The following FLI1 variants were observed in gnomAD, a reference collection of about 807,000 sequenced individuals.
The protein encoded by FLI1 is Friend leukemia integration 1 transcription factor.
Under a neutral mutation model 53.1 loss-of-function variants are expected in FLI1, and 13 were observed. The ratio of observed to expected loss-of-function variants is 0.24; its 90% CI spans 0.16 to 0.39. FLI1 has a LOEUF of 0.39. FLI1 is among the 10% of genes least tolerant of loss of function. The pLI is 1.00. For missense variants in FLI1, 424 were observed against 600.5 expected, an observed-to-expected ratio of 0.71 and a Z score of 3.07; for synonymous variants, 244 against 236.7, an observed-to-expected ratio of 1.03 and a Z score of -0.28.
upstream of FLI1, chr11:128,693,159 T>C (rs973905904): frequency 2.0e-5 from 3 of 152,436 alleles, no homozygotes; most frequent in African/African-American, 4.8e-5. Flanking sequence ...CGCTGGGGGT[T>C]TGGCTCGAGA....
chr11:128,719,142 GT>G (rs925194692), intron 1 of FLI1, among the ~76,000 whole-genome samples: 10 of 152,126 alleles, frequency 6.6e-5, no homozygotes, highest in Non-Finnish European at 1.5e-4. Flanking sequence ...CTGGATTGCA[GT>G]ATGGGAGAGG....
intron 1 of FLI1, among the ~76,000 whole-genome samples, chr11:128,739,729 C>CG (rs1940056629): frequency 6.6e-6 from 1 of 150,546 alleles, no homozygotes; most frequent in Non-Finnish European, 1.5e-5. Flanking sequence ...TATTTTACTT[C>CG]GAAAAAAAAA....
chr11:128,735,666 C>T (rs1055058001), intron 1 of FLI1, among the ~76,000 whole-genome samples: 4 of 152,130 alleles, frequency 2.6e-5, no homozygotes, highest in African/African-American at 9.7e-5. Flanking sequence ...GCTGTGTGAC[C>T]CATGATGGCC....
At chr11:128,749,734 G>T (rs74406231) in intron 1 of FLI1, among the ~76,000 whole-genome samples, 251 of 152,338 alleles carry the variant, frequency 1.6e-3, no homozygotes, top group African/African-American at 5.8e-3. Context: ...AATGCTTGAT[G>T]ACTGACTAAT....
chr11:128,742,444 CAG>C (rs1940179467), intron 1 of FLI1, among the ~76,000 whole-genome samples: 1 of 152,172 alleles, frequency 6.6e-6, no homozygotes. Flanking sequence ...AAGAAATATC[CAG>C]AGTGACCTTT....
At chr11:128,699,315 C>CA (rs1451184593) in intron 1 of FLI1, among the ~76,000 whole-genome samples, 18 of 151,756 alleles carry the variant, frequency 1.2e-4, no homozygotes. Flanking sequence ...TACCCCCAGC[C>CA]AAAAAAATAG....
At chr11:128,796,482 C>A (rs566719560) in intron 5 of FLI1, among the ~76,000 whole-genome samples, 2 of 152,314 alleles carry the variant, frequency 1.3e-5, no homozygotes, top group East Asian at 3.9e-4. Flanking sequence ...TGCTAATTTG[C>A]ATGTCTGGTT....
At chr11:128,761,335 C>T (rs570029627) in intron 2 of FLI1, among the ~76,000 whole-genome samples, 267 of 152,330 alleles carry the variant, frequency 1.8e-3, no homozygotes, top group African/African-American at 5.4e-3. Flanking sequence ...TCGAAACCAG[C>T]GCCTCCTCAC....
At chr11:128,737,638 C>A (rs1396393973) in intron 1 of FLI1, among the ~76,000 whole-genome samples, 4 of 152,168 alleles carry the variant, frequency 2.6e-5, no homozygotes, top group Non-Finnish European at 4.4e-5. Flanking sequence ...AGCCCTCTTG[C>A]CTCAGGGTAC....
intron 2 of FLI1, among the ~76,000 whole-genome samples, chr11:128,767,355 C>T (rs1206995255): frequency 3.9e-5 from 6 of 152,168 alleles, no homozygotes; most frequent in Non-Finnish European, 5.9e-5. Flanking sequence ...AAGTAGCAAC[C>T]AGCTCTTTTG....
At chr11:128,717,097 C>T (rs910271445) in intron 1 of FLI1, among the ~76,000 whole-genome samples, 1 of 152,042 alleles carries the variant, frequency 6.6e-6, no homozygotes, top group Non-Finnish European at 1.5e-5. Context: ...GCTTGGCTTC[C>T]GGGGCACACG....
chr11:128,751,658 C>G (rs1226628042), intron 1 of FLI1, among the ~76,000 whole-genome samples: 1 of 152,062 alleles, frequency 6.6e-6, no homozygotes, highest in African/African-American at 2.4e-5. Flanking sequence ...TCCCAAGTAG[C>G]TGGGACTACA....
At chr11:128,724,086 G>A (rs370569410) in intron 1 of FLI1, among the ~76,000 whole-genome samples, 4 of 151,972 alleles carry the variant, frequency 2.6e-5, no homozygotes. Flanking sequence ...GGGATTACAG[G>A]TGCCCACCAC....
chr11:128,801,779 TAG>T (rs1298323537), intron 5 of FLI1, among the ~76,000 whole-genome samples: 1 of 152,232 alleles, frequency 6.6e-6, no homozygotes, highest in Non-Finnish European at 1.5e-5. Flanking sequence ...AACAAATACT[TAG>T]AGTCTACTAA....
intron 1 of FLI1, among the ~76,000 whole-genome samples, chr11:128,703,864 C>A (rs4937372): frequency 0.79 from 81,855 of 103,986 alleles, 31,510 homozygotes; most frequent in African/African-American, 0.89. Flanking sequence ...AAAAAAAAAA[C>A]AAACGTTAAG....
intron 1 of FLI1, among the ~76,000 whole-genome samples, chr11:128,712,990 C>T (rs535551433): frequency 1.2e-4 from 18 of 152,294 alleles, no homozygotes; most frequent in South Asian, 4.1e-4. Context: ...ACTGAGGTCT[C>T]GCTAATGAGC....
chr11:128,787,808 T>TA (rs1942137279), intron 5 of FLI1, among the ~76,000 whole-genome samples: 1 of 1,348 alleles, frequency 7.4e-4, no homozygotes, highest in African/African-American at 6.4e-3. Flanking sequence ...CTAATTACAA[T>TA]TTTTTTTTTT....
intron 1 of FLI1, among the ~76,000 whole-genome samples, chr11:128,725,511 A>G (rs779287461): frequency 6.6e-6 from 1 of 152,224 alleles, no homozygotes; most frequent in Non-Finnish European, 1.5e-5. Context: ...GTGCCCGCAA[A>G]TGCCCACAAA....
In FLI1 at chr11:128,719,604, G is replaced by A. The variant is rs190921878; in HGVS notation, c.18+25328G>A. On this transcript the variant is annotated intron_variant, in intron 1 of 8. Transcript: ENST00000527786. ...ATCTCTGGTGGACTTGAAGGGCAACGGAGACTTACTGCAAATTTTGGGAGC... is the reference window on the plus strand; with the variant it reads ...ATCTCTGGTGGACTTGAAGGGCAACAGAGACTTACTGCAAATTTTGGGAGC... Among the ~76,000 whole-genome samples the A allele has an allele frequency of 3.3e-5, 5 of 152,224 alleles. No individual in the cohort carries two copies. The South Asian group carries it at 8.3e-4, about 25-fold the overall frequency.
Sources: allele counts gnomAD v4.1 joint callset (sites outside exome capture counted in the v4.1 genomes callset), GRCh38; gene constraint gnomAD v4.1.1; transcripts MANE v1.5; gene names NCBI Gene and HGNC (gene_info 2026-07-23, HGNC 2026-07-21).